ZNF34: variants seen among roughly 807,000 people sequenced by gnomAD.
The protein encoded by ZNF34 is zinc finger protein 34.
ZNF34 carries 8 observed loss-of-function variants against 14.4 expected under a neutral mutation model. The ratio of observed to expected loss-of-function variants is 0.55; its 90% CI spans 0.33 to 1.00. The LOEUF is 1.00. Among genes scored for constraint, ZNF34 ranks in the 50% least tolerant of loss-of-function variants. The pLI is 0.03. For missense variants in ZNF34, 538 were observed against 674.2 expected (o/e 0.80, Z 2.24); for synonymous variants, 235 against 247.9 (o/e 0.95, Z 0.49).
rs746432980 is a variant in ZNF34, at chr8:144,773,872, T to C, written c.1014A>G (p.Gly338=). The C allele has an allele frequency of 1.2e-6, 2 of 1,614,098 alleles. No homozygotes were observed. The highest frequency in any genetic ancestry group is 4.5e-5 in the East Asian group (2 of 44,874). Residue 338 remains glycine, a synonymous_variant, in exon 6 of 6, where the codon GGA becomes GGG. Coordinates refer to ENST00000429371, the MANE Select transcript of ZNF34 (RefSeq NM_001286769.2). This position sits in a 1 kb window ranked among gnomAD's most constrained non-coding sequence, Gnocchi z 5.4. The part of the protein sequence containing the change: ...SLIYHQRIHT[G]EKPYKCNDCG... ...AGTCATTACATTTATAGGGTTTCTCTCCGGTGTGGATTCTCTGGTGATAAA... is the reference window on the plus strand; with the variant it reads ...AGTCATTACATTTATAGGGTTTCTCCCCGGTGTGGATTCTCTGGTGATAAA...
intron 1 of ZNF34, among the ~76,000 whole-genome samples, chr8:144,783,630 TAA>T (rs779233151): frequency 1.4e-4 from 21 of 152,072 alleles, no homozygotes; most frequent in Non-Finnish European, 2.4e-4. Flanking sequence ...TACAGTACAT[TAA>T]GTCTTAAAAA....
Position 144,786,661 on chromosome 8 carries a change from G to A in ZNF34, c.-108+618C>T, listed in dbSNP as rs542022450. Among the ~76,000 whole-genome samples, 8 of 151,370 alleles carry A rather than the reference G, an allele frequency of 5.3e-5. No individual in the cohort carries two copies. The East Asian group carries it at 7.9e-4, about 15-fold the overall frequency. On this transcript the variant is annotated intron_variant, in intron 1 of 5. Coordinates refer to ENST00000429371, the MANE Select transcript of ZNF34 (RefSeq NM_001286769.2). ...AAAAAGAGAGAGAGAAAGGAAAGAA[G>A]GAAGAGAAGAGAAAAGAAAAGAAAG...
intron 1 of ZNF34, among the ~76,000 whole-genome samples, chr8:144,781,300 A>G (rs192823503): frequency 0.013 from 1,944 of 149,086 alleles, 32 homozygotes; most frequent in African/African-American, 0.045. Flanking sequence ...ACGGAGTCTT[A>G]CTCTGTCGCC....
chr8:144,776,180 C>T (rs7838324), intron 5 of ZNF34, among the ~76,000 whole-genome samples: 57,799 of 151,552 alleles, frequency 0.38, 12,870 homozygotes, highest in East Asian at 0.69. Context: ...GGCATGGTGG[C>T]GTGCACCTGT....
Position 144,774,184 on chromosome 8 carries a change from G to A in ZNF34, c.702C>T (p.Tyr234=). ...PTGKKLHYCS[Y]CGKTFRYSAN... is the part of the protein sequence containing the mutation. ...CACTGTACCTGAATGTTTTCCCACA[G>A]TAACTGCAATAATGCAATTTTTTCC... The change falls in exon 6 of 6, where the codon TAC becomes TAT. Residue 234 remains tyrosine (Y), a synonymous_variant. Coordinates refer to ENST00000429371, the MANE Select transcript of ZNF34 (RefSeq NM_001286769.2). 6.2e-7 allele frequency: 1 copy of A among 1,613,916 alleles called. No homozygotes were observed. Among genetic ancestry groups the A allele is most frequent in the South Asian group, 1.1e-5 (1 of 91,078 alleles).
intron 3 of ZNF34, 121 bp from the exon 4 acceptor site, chr8:144,778,285 G>C: frequency 6.2e-6 from 9 of 1,448,170 alleles, no homozygotes; most frequent in Non-Finnish European, 8.4e-6. Context: ...ATCTGCCACC[G>C]AGCCAGCTAA....
Position 144,772,824 on chromosome 8 carries a change from G to A in ZNF34, c.*442C>T, listed in dbSNP as rs1036845877. ...CAAAATGCTGGTATTACAGGCATGA[G>A]CCACCACACCTGGCCGATGCTTTTA... On this transcript the variant is annotated 3_prime_UTR_variant, in exon 6 of 6. Transcript: ENST00000429371. Among the ~76,000 whole-genome samples, 6 of 152,110 alleles carry A rather than the reference G, an allele frequency of 3.9e-5. No homozygotes were observed. The highest frequency in any genetic ancestry group is 1.4e-4 in the African/African-American group (6 of 41,394).
At chr8:144,783,407 C>A (rs1438873310) in intron 1 of ZNF34, among the ~76,000 whole-genome samples, 1 of 152,092 alleles carries the variant, frequency 6.6e-6, no homozygotes, top group Non-Finnish European at 1.5e-5. Flanking sequence ...ATATAAGCTA[C>A]AAGGATCAGA....
chr8:144,785,359 A>T (rs1448090660), intron 1 of ZNF34: 3 of 152,208 alleles, frequency 2.0e-5, no homozygotes, highest in African/African-American at 7.2e-5. Context: ...ACTTGAATCT[A>T]GGAGTTCTGG....
Position 144,778,498 on chromosome 8 carries a change from C to T in ZNF34, c.-27G>A, listed in dbSNP as rs1825671321. The T allele has an allele frequency of 6.3e-7, 1 of 1,588,182 alleles. No homozygotes were observed. The highest frequency in any genetic ancestry group is 8.6e-7 in the Non-Finnish European group (1 of 1,167,698). Reference sequence around the variant, plus strand: ...GCCTGAGGGTTGGGCTTTCTGAGGGCAGTGAGCAGGAGCTGGTCACTGAGG... The same window carrying T: ...GCCTGAGGGTTGGGCTTTCTGAGGGTAGTGAGCAGGAGCTGGTCACTGAGG... On this transcript the variant is annotated 5_prime_UTR_variant, in exon 3 of 6. Coordinates refer to ENST00000429371, the MANE Select transcript of ZNF34 (RefSeq NM_001286769.2).
In ZNF34 at chr8:144,774,525, C is replaced by T. The variant is rs754943835; in HGVS notation, c.361G>A (p.Val121Ile). Reference protein sequence around the residue: ...GEEDPQGSEPVEACDHISKSE... With the variant: ...GEEDPQGSEPIEACDHISKSE... ...TTACTGATGTGGTCACAGGCTTCTA[C>T]TGGCTCAGATCCCTGGGGATCTTCC... Residue 121 changes from valine to isoleucine, a missense_variant, in exon 6 of 6, where the codon GTA becomes ATA. Transcript: ENST00000429371. 6.2e-7 allele frequency: 1 copy of T among 1,614,036 alleles called. No homozygotes were observed. The highest frequency in any genetic ancestry group is 8.5e-7 in the Non-Finnish European group (1 of 1,179,910).
rs1332546737 is a variant in ZNF34 at position 144,778,084 on chromosome 8, G to A, written c.114C>T (p.Leu38=). The change falls in exon 4 of 6, where the codon CTC becomes CTT. Residue 38 remains leucine (L), a synonymous_variant. Transcript: ENST00000429371. ...AGGTCTCCAGCATCACGTCCCTGTA[G>A]AGGCCCCTCTGAGCAGGGCCCAGGC... The part of the protein sequence containing the change: ...WGRLGPAQRG[L]YRDVMLETYG... 1.2e-6 allele frequency: 2 copies of A among 1,614,070 alleles called. No individual in the cohort carries two copies. Among genetic ancestry groups the A allele is most frequent in the South Asian group, 1.1e-5 (1 of 91,086 alleles).
In ZNF34 at chr8:144,778,475, C is replaced by G. The variant is rs781522685; in HGVS notation, c.-4G>C. 6.3e-7 allele frequency: 1 copy of G among 1,592,952 alleles called. No individual in the cohort carries two copies. Among genetic ancestry groups the G allele is most frequent in the East Asian group, 2.3e-5 (1 of 44,186 alleles). On this transcript the variant is annotated 5_prime_UTR_variant, in exon 3 of 6. Transcript: ENST00000429371. ...CAGACAGGAACAAGGCCGCCATTGC[C>G]TGAGGGTTGGGCTTTCTGAGGGCAG...
chr8:144,780,256 G>A lies in ZNF34; in HGVS notation c.-83C>T. 1 of 1,550,222 alleles carries A rather than the reference G, an allele frequency of 6.5e-7. No homozygotes were observed. Among genetic ancestry groups the A allele is most frequent in the South Asian group, 1.2e-5 (1 of 84,040 alleles). On this transcript the variant is annotated 5_prime_UTR_variant, in exon 2 of 6. Transcript: ENST00000429371. ...CCAGAAGCATGAGACTCTCGGATTA[G>A]ATACATGTGATGCAACTATTTGGCC...
chr8:144,780,332 C>T lies in ZNF34; in HGVS notation c.-107-52G>A, dbSNP rs913687041. The T allele has an allele frequency of 2.2e-5, 29 of 1,341,096 alleles. No homozygotes were observed. The East Asian group carries it at 7.3e-4, about 34-fold the overall frequency. 83.1% of individuals were successfully genotyped at this position (1,341,096 alleles called of 1,614,324 possible). The stretch of plus-strand genomic sequence containing the variant: ...AAGTATTAGTTAATATTAGATCAAA[C>T]ACTAGTTAAAATGAAGCTGTGGTAG... On this transcript the variant is annotated intron_variant, in intron 1 of 5. Transcript: ENST00000429371.
At chr8:144,781,813 A>C (rs1339403218) in intron 1 of ZNF34, among the ~76,000 whole-genome samples, 8 of 152,238 alleles carry the variant, frequency 5.3e-5, no homozygotes, top group African/African-American at 1.9e-4. Flanking sequence ...AAGTGGAAAT[A>C]GAACCAAGCC....
At position 144,773,298 on chromosome 8, in the gene ZNF34, G is replaced by A. The variant is rs1239079020; in HGVS notation, c.1588C>T (p.Arg530Trp). ...GAGAAGTCCTCCCGGAGGTGAATCC[G>A]CTGATGCTGACACATGTTGGAACTG... ...RHSSNMCQHQ[R>W]IHLREDFSM The change falls in exon 6 of 6, where the codon CGG (arginine) becomes TGG (tryptophan). Residue 530 changes from arginine (R) to tryptophan (W), a missense_variant. By Grantham distance (101) the Arg-to-Trp change is moderately radical. Transcript: ENST00000429371. This position sits in a 1 kb window ranked among gnomAD's most constrained non-coding sequence, Gnocchi z 5.4. 5.0e-6 allele frequency: 8 copies of A among 1,611,754 alleles called. No individual in the cohort carries two copies. Among genetic ancestry groups the A allele is most frequent in the East Asian group, 4.5e-5 (2 of 44,836 alleles).
chr8:144,778,347 T>G, intron 3 of ZNF34, 92 bp downstream of exon 3: 1 of 1,393,908 alleles, frequency 7.2e-7, no homozygotes, highest in Non-Finnish European at 9.6e-7. Flanking sequence ...CCTACCATCA[T>G]GTCAGCATCC....
chr8:144,776,379 C>T (rs929099413), intron 5 of ZNF34, among the ~76,000 whole-genome samples: 8 of 149,364 alleles, frequency 5.4e-5, no homozygotes, highest in Admixed American at 6.7e-5. Flanking sequence ...GTGGGAGGAT[C>T]GCTTGAGCCC....
Sources: gnomAD v4.1 joint callset for allele counts (sites outside exome capture counted in the v4.1 genomes callset) on GRCh38, gnomAD v4.1.1 for gene constraint, Gnocchi (gnomAD v3.1) non-coding constraint, MANE v1.5 for transcripts, NCBI Gene and HGNC (gene_info 2026-07-23, HGNC 2026-07-21) for gene names.